The following KIAA1614 variants were observed in gnomAD, a reference collection of about 807,000 sequenced individuals.
KIAA1614 encodes the protein KIAA1614, also known as uncharacterized protein KIAA1614.
Under a neutral mutation model 88.7 loss-of-function variants are expected in KIAA1614, and 76 were observed. The observed-to-expected ratio is 0.86, with a 90% CI of 0.71 to 1.04. The LOEUF is 1.04. Ranked by LOEUF, KIAA1614 falls within the 50% of genes least tolerant of loss-of-function variation. The probability of loss-of-function intolerance (pLI) is 0.00; values close to 1 mark genes in which losing one functional copy is unlikely to be tolerated. For synonymous variants in KIAA1614, 714 were observed against 675.5 expected, an observed-to-expected ratio of 1.06 and a Z score of -0.88; for missense variants, 1,553 against 1,582.5, an observed-to-expected ratio of 0.98 and a Z score of 0.32.
In KIAA1614 at chr1:180,936,588, C is replaced by T. The variant is rs771288447; in HGVS notation, c.2679C>T (p.Tyr893=). The change falls in exon 5 of 9, where the codon TAC becomes TAT. Residue 893 remains tyrosine, a synonymous_variant. Transcript: ENST00000367588. ...CACCTCGGGGGCTGCAGGAGCCCTA[C>T]GGGGGAGCCGTCCACGAGGGTAGGG... is the stretch of plus-strand genomic sequence containing the variant. ...NSAPRGLQEP[Y]GGAVHEGRVE... 28 of 1,611,774 alleles carry T rather than the reference C, an allele frequency of 1.7e-5. No individual in the cohort carries two copies. In the East Asian group the frequency reaches 1.8e-4, roughly 10 times the overall value.
Position 180,938,696 on chromosome 1 carries a change from G to T in KIAA1614, c.2903G>T (p.Gly968Val). 1 of 1,613,992 alleles carries T rather than the reference G, an allele frequency of 6.2e-7. No individual in the cohort carries two copies. Among genetic ancestry groups the T allele is most frequent in the South Asian group, 1.1e-5 (1 of 91,030 alleles). The change falls in exon 6 of 9, where the codon GGA becomes GTA. Residue 968 changes from glycine (G) to valine (V), a missense_variant. By Grantham distance (109) the Gly-to-Val change is moderately radical. Coordinates refer to ENST00000367588, the MANE Select transcript of KIAA1614 (RefSeq NM_020950.2). ...CAGAGGACAGGGTCAGGATCTGGAGGACATGTGCTGTCAAGGTGAGTGACA... is the reference window on the plus strand; with the variant it reads ...CAGAGGACAGGGTCAGGATCTGGAGTACATGTGCTGTCAAGGTGAGTGACA... ...SLQRTGSGSG[G>V]HVLSRASAGA...
In KIAA1614 at chr1:180,928,875, G is replaced by A. The variant is rs1388721883; in HGVS notation, c.1205+302G>A. On this transcript the variant is annotated intron_variant, in intron 4 of 8. Coordinates refer to ENST00000367588, the MANE Select transcript of KIAA1614 (RefSeq NM_020950.2). Reference sequence around the variant, plus strand: ...GATATTCAATTATGTGGACTGTGGTGTGAGAGAGGAAAAGTGTGTGTGCTG... The same window carrying A: ...GATATTCAATTATGTGGACTGTGGTATGAGAGAGGAAAAGTGTGTGTGCTG... Among the ~76,000 whole-genome samples, 5 of 152,248 alleles carry A rather than the reference G, an allele frequency of 3.3e-5. No individual in the cohort carries two copies. In the East Asian group the frequency reaches 5.8e-4, roughly 18 times the overall value.
Position 180,916,334 on chromosome 1 carries a change from C to G in KIAA1614, c.231C>G (p.Leu77=). 3 of 1,614,086 alleles carry G rather than the reference C, an allele frequency of 1.9e-6. No individual in the cohort carries two copies. Among genetic ancestry groups the G allele is most frequent in the Non-Finnish European group, 2.5e-6 (3 of 1,180,012 alleles). ...CTCCCAGGGTATGGGGAGTACAGCT[C>G]CAGGGCCCCTCTGTGCTGGAATCCA... ...PQPPRVWGVQ[L]QGPSVLESKV... Residue 77 remains leucine (L), a synonymous_variant, in exon 2 of 9, where the codon CTC becomes CTG. Coordinates refer to ENST00000367588, the MANE Select transcript of KIAA1614 (RefSeq NM_020950.2).
At chr1:180,941,602 C>T (rs1050272102) in intron 7 of KIAA1614, among the ~76,000 whole-genome samples, 12 of 152,202 alleles carry the variant, frequency 7.9e-5, no homozygotes, top group African/African-American at 1.2e-4. Context: ...GGAAACTTCT[C>T]CATGGCCATA....
intron 1 of KIAA1614, chr1:180,914,019 A>G (rs1653721096): frequency 6.6e-6 from 1 of 152,222 alleles, no homozygotes; most frequent in African/African-American, 2.4e-5. Flanking sequence ...GTATAAATTG[A>G]ATTGTAATAA....
At chr1:180,922,481 TG>T (rs1399938274) in intron 3 of KIAA1614, among the ~76,000 whole-genome samples, 1 of 152,026 alleles carries the variant, frequency 6.6e-6, no homozygotes, top group Non-Finnish European at 1.5e-5. Context: ...TGGGATTCCT[TG>T]GGGGGTAAAA....
At chr1:180,942,342 C>T (rs1193875234) in intron 7 of KIAA1614, among the ~76,000 whole-genome samples, 1 of 152,250 alleles carries the variant, frequency 6.6e-6, no homozygotes, top group East Asian at 1.9e-4. Context: ...CAGCACCCCT[C>T]GGACACCCCT....
intron 7 of KIAA1614, among the ~76,000 whole-genome samples, chr1:180,941,881 T>C (rs1654475024): frequency 6.6e-6 from 1 of 152,216 alleles, no homozygotes; most frequent in African/African-American, 2.4e-5. Context: ...TTGACCCCGG[T>C]TGCAGCTGAC....
intron 3 of KIAA1614, among the ~76,000 whole-genome samples, chr1:180,920,655 G>A (rs1317451353): frequency 6.6e-6 from 1 of 151,534 alleles, no homozygotes; most frequent in Non-Finnish European, 1.5e-5. Flanking sequence ...GCAATGGGAC[G>A]AGTAGCTCAT....
chr1:180,928,983 G>A (rs561212545), intron 4 of KIAA1614, among the ~76,000 whole-genome samples: 12 of 152,366 alleles, frequency 7.9e-5, no homozygotes, highest in African/African-American at 2.6e-4. Flanking sequence ...CTTGACGGAA[G>A]TATAGATATG....
chr1:180,936,963 G>A (rs1268235498), intron 5 of KIAA1614, among the ~76,000 whole-genome samples: 2 of 152,148 alleles, frequency 1.3e-5, no homozygotes, highest in African/African-American at 2.4e-5. Flanking sequence ...CTTCCTGTTG[G>A]GAACCCTGAG....
intron 3 of KIAA1614, among the ~76,000 whole-genome samples, chr1:180,926,825 A>G (rs1654081017): frequency 6.6e-6 from 1 of 152,200 alleles, no homozygotes; most frequent in South Asian, 2.1e-4. Flanking sequence ...CTGCTGGGGA[A>G]GCTGTGCAGA....
chr1:180,922,217 T>A (rs1653971739), intron 3 of KIAA1614, among the ~76,000 whole-genome samples: 1 of 152,218 alleles, frequency 6.6e-6, no homozygotes, highest in South Asian at 2.1e-4. Flanking sequence ...GGGGCTTTAG[T>A]TACAGGGAGA....
At position 180,916,863 on chromosome 1, in the gene KIAA1614, C is replaced by A. The variant is rs1485199231; in HGVS notation, c.760C>A (p.Leu254Met). 6 of 1,614,118 alleles carry A rather than the reference C, an allele frequency of 3.7e-6. No individual in the cohort carries two copies. Among genetic ancestry groups the A allele is most frequent in the African/African-American group, 1.3e-5 (1 of 74,950 alleles). Residue 254 changes from leucine to methionine, a missense_variant, in exon 2 of 9, where the codon CTG becomes ATG. Transcript: ENST00000367588. Reference sequence around the variant, plus strand: ...AGATGGCGTGGTGACAGAGGCAGATCTGGATAGCACATCCCTGACCTCCGA... The same window carrying A: ...AGATGGCGTGGTGACAGAGGCAGATATGGATAGCACATCCCTGACCTCCGA... ...FPDGVVTEAD[L>M]DSTSLTSEEV... is the part of the protein sequence containing the mutation.
At position 180,938,609 on chromosome 1, in the gene KIAA1614, G is replaced by A; in HGVS notation, c.2816G>A (p.Gly939Asp). 1 of 1,614,082 alleles carries A rather than the reference G, an allele frequency of 6.2e-7. No homozygotes were observed. The highest frequency in any genetic ancestry group is 1.1e-5 in the South Asian group (1 of 91,070). The change falls in exon 6 of 9, where the codon GGC becomes GAC. Residue 939 changes from glycine to aspartate, a missense_variant. By Grantham distance (94) the Gly-to-Asp change is moderately conservative. Coordinates refer to ENST00000367588, the MANE Select transcript of KIAA1614 (RefSeq NM_020950.2). ...SADVATINST[G>D]ITLSLSSEES... ...GATGTTGCCACCATCAACTCCACGGGCATCACCCTCTCCCTGTCCTCAGAG... is the reference window on the plus strand; with the variant it reads ...GATGTTGCCACCATCAACTCCACGGACATCACCCTCTCCCTGTCCTCAGAG...
intron 3 of KIAA1614, among the ~76,000 whole-genome samples, chr1:180,918,290 G>A (rs1653866483): frequency 6.6e-6 from 1 of 152,202 alleles, no homozygotes; most frequent in South Asian, 2.1e-4. Context: ...TCATCGTTGT[G>A]AAAATCACTG....
intron 8 of KIAA1614, 183 bp downstream of exon 8, chr1:180,944,699 T>C: frequency 1.7e-6 from 1 of 579,630 alleles, no homozygotes. Context: ...GTGCCCTGCA[T>C]GGACCCTCGG....
At chr1:180,915,910 G>A (rs1653782997) in intron 1 of KIAA1614, among the ~76,000 whole-genome samples, 1 of 152,152 alleles carries the variant, frequency 6.6e-6, no homozygotes, top group African/African-American at 2.4e-5. Flanking sequence ...AAGTGGAACA[G>A]TTTCATCCCA....
rs370687297 is a variant in KIAA1614, at chr1:180,936,568, C to A, written c.2659C>A (p.Arg887=). ...CAACAACTGCAACAACAGCGCACCTCGGGGGCTGCAGGAGCCCTACGGGGG... is the reference window on the plus strand; with the variant it reads ...CAACAACTGCAACAACAGCGCACCTAGGGGGCTGCAGGAGCCCTACGGGGG... The part of the protein sequence containing the change: ...STNNCNNSAP[R]GLQEPYGGAV... The change falls in exon 5 of 9, where the codon CGG becomes AGG. Residue 887 remains arginine (R), a synonymous_variant. Coordinates refer to ENST00000367588, the MANE Select transcript of KIAA1614 (RefSeq NM_020950.2). 38 of 1,613,412 alleles carry A rather than the reference C, an allele frequency of 2.4e-5. No homozygotes were observed. Among genetic ancestry groups the A allele is most frequent in the Non-Finnish European group, 3.0e-5 (35 of 1,179,950 alleles).
Sources: allele counts gnomAD v4.1 joint callset (sites outside exome capture counted in the v4.1 genomes callset), GRCh38; gene constraint gnomAD v4.1.1; transcripts MANE v1.5; gene names NCBI Gene and HGNC (gene_info 2026-07-23, HGNC 2026-07-21).